UGT2A1: variants seen among roughly 807,000 people sequenced by gnomAD.
The protein encoded by UGT2A1 is UDP-glucuronosyltransferase 2A1.
UGT2A1 carries 61 observed loss-of-function variants against 45.4 expected under a neutral mutation model. The observed-to-expected ratio is 1.34, with a 90% CI of 1.09 to 1.66. The LOEUF is 1.66. Ranked by LOEUF, UGT2A1 falls within the 40% of genes most tolerant of loss-of-function variation. The pLI is 0.00. For synonymous variants in UGT2A1, 229 were observed against 196.2 expected, an observed-to-expected ratio of 1.17 and a Z score of -1.40; for missense variants, 649 against 574.3, an observed-to-expected ratio of 1.13 and a Z score of -1.33.
At chr4:69,631,133 T>C (rs1438302466) in intron 3 of UGT2A1, among the ~76,000 whole-genome samples, 1 of 152,126 alleles carries the variant, frequency 6.6e-6, no homozygotes. Context: ...TGCTTTATTT[T>C]TGACTTCCTA....
chr4:69,637,919 G>A (rs1721806157), intron 2 of UGT2A1, among the ~76,000 whole-genome samples: 1 of 148,680 alleles, frequency 6.7e-6, no homozygotes, highest in African/African-American at 2.6e-5. Flanking sequence ...AGGCAGGCAG[G>A]CAGGCAGGCA....
At chr4:69,629,656 A>C (rs73824181) in intron 3 of UGT2A1, among the ~76,000 whole-genome samples, 1 of 151,942 alleles carries the variant, frequency 6.6e-6, no homozygotes, top group Non-Finnish European at 1.5e-5. Flanking sequence ...ACCACATATC[A>C]TTTCTAGGAA....
At chr4:69,595,509 A>G (rs1170125637) in intron 4 of UGT2A1, among the ~76,000 whole-genome samples, 1 of 152,216 alleles carries the variant, frequency 6.6e-6, no homozygotes, top group Admixed American at 6.5e-5. Context: ...TTTTAAGTGA[A>G]GAAATAGAAC....
At chr4:69,604,338 A>G (rs1719473264) in intron 3 of UGT2A1, among the ~76,000 whole-genome samples, 1 of 136,304 alleles carries the variant, frequency 7.3e-6, no homozygotes, top group African/African-American at 3.0e-5. Context: ...GAGGAGAAGG[A>G]GAAATAAAAT....
intron 3 of UGT2A1, among the ~76,000 whole-genome samples, chr4:69,633,391 CT>C (rs1488900420): frequency 2.6e-5 from 4 of 152,108 alleles, no homozygotes; most frequent in African/African-American, 9.7e-5. Flanking sequence ...TTTGCACAAC[CT>C]TTTGGGAAAC....
intron 2 of UGT2A1, chr4:69,639,594 A>G (rs764808692): frequency 6.2e-7 from 1 of 1,608,458 alleles, no homozygotes; most frequent in South Asian, 1.1e-5. Flanking sequence ...AAAAACCAGC[A>G]TCTGGACAAA....
In UGT2A1 at chr4:69,647,493, G is replaced by C; in HGVS notation, c.152C>G (p.Thr51Ser). 1 of 1,613,068 alleles carries C rather than the reference G, an allele frequency of 6.2e-7. No individual in the cohort carries two copies. The highest frequency in any genetic ancestry group is 1.1e-5 in the South Asian group (1 of 91,014). ...DELIKKEHNV[T>S]VLVASGALFI... Reference sequence around the variant, plus strand: ...AAGTGCACCAGAGGCAACTAGGACAGTCACATTATGCTCCTTTTTAATGAG... The same window carrying C: ...AAGTGCACCAGAGGCAACTAGGACACTCACATTATGCTCCTTTTTAATGAG... Residue 51 changes from threonine to serine, a missense_variant, in exon 2 of 7, where the codon ACT becomes AGT. Coordinates refer to ENST00000286604, the MANE Select transcript of UGT2A1 (RefSeq NM_001252275.3).
At chr4:69,591,167 T>C (rs1165383132) in intron 6 of UGT2A1, among the ~76,000 whole-genome samples, 1 of 152,200 alleles carries the variant, frequency 6.6e-6, no homozygotes, top group African/African-American at 2.4e-5. Flanking sequence ...TATTTGAAGA[T>C]ATTTATTTGT....
At chr4:69,625,146 T>C (rs908608897) in intron 3 of UGT2A1, among the ~76,000 whole-genome samples, 6 of 146,362 alleles carry the variant, frequency 4.1e-5, no homozygotes, top group South Asian at 2.2e-4. Context: ...TTGCTTTCAA[T>C]GAGAAGTCTG....
At chr4:69,647,907 T>G (rs905056487) in intron 1 of UGT2A1, 1 of 288,136 alleles carries the variant, frequency 3.5e-6, no homozygotes, top group Non-Finnish European at 6.4e-6. Flanking sequence ...TGTCTAATCC[T>G]CCTTTTGAAC....
At position 69,645,842 on chromosome 4, in the gene UGT2A1, G is replaced by C. The variant is rs181444293; in HGVS notation, c.715+1088C>G. Among the ~76,000 whole-genome samples the C allele has an allele frequency of 2.6e-5, 4 of 151,854 alleles. No individual in the cohort carries two copies. The East Asian group carries it at 7.7e-4, about 29-fold the overall frequency. On this transcript the variant is annotated intron_variant, in intron 2 of 6. Coordinates refer to ENST00000286604, the MANE Select transcript of UGT2A1 (RefSeq NM_001252275.3). ...CTCCATGTCTCCCTACCTTACACTT[G>C]AACCTTCAGAAATACTAAATTATCA...
At chr4:69,653,046 T>C (rs776695085) in intron 1 of UGT2A1, 142 bp downstream of exon 1, 1 of 152,224 alleles carries the variant, frequency 6.6e-6, no homozygotes, top group Non-Finnish European at 1.5e-5. Flanking sequence ...GTAGAACTAA[T>C]AATGCTTTCA....
rs138860923 is a variant in UGT2A1 at position 69,647,391 on chromosome 4, C to T, written c.254G>A (p.Gly85Glu). 69 of 1,612,956 alleles carry T rather than the reference C, an allele frequency of 4.3e-5. No individual in the cohort carries two copies. In the South Asian group the frequency reaches 6.3e-4, roughly 15 times the overall value. Reference sequence around the variant, plus strand: ...TGTCAAAACGAAGTCCTTAATTACTCCTTCTATTCTTTCTTTGCCAAAGGG... The same window carrying T: ...TGTCAAAACGAAGTCCTTAATTACTTCTTCTATTCTTTCTTTGCCAAAGGG... ...KVPFGKERIE[G>E]VIKDFVLTWL... Residue 85 changes from glycine (G) to glutamate (E), a missense_variant, in exon 2 of 7, where the codon GGA becomes GAA. Gly to Glu is a moderately conservative substitution (Grantham distance 98). Transcript: ENST00000286604.
chr4:69,649,516 TATTG>T (rs1722425525), intron 1 of UGT2A1, among the ~76,000 whole-genome samples: 1 of 152,058 alleles, frequency 6.6e-6, no homozygotes, highest in African/African-American at 2.4e-5. Context: ...ATTCAGGTGC[TATTG>T]AGAGAGGAGA....
chr4:69,601,249 T>G (rs1719270757), intron 3 of UGT2A1, among the ~76,000 whole-genome samples: 1 of 152,160 alleles, frequency 6.6e-6, no homozygotes. Flanking sequence ...ATCCTCACTG[T>G]GACCACTACT....
At chr4:69,591,851 A>T (rs1038049076) in intron 6 of UGT2A1, among the ~76,000 whole-genome samples, 2 of 152,236 alleles carry the variant, frequency 1.3e-5, no homozygotes, top group Non-Finnish European at 2.9e-5. Flanking sequence ...CAACTTTGTA[A>T]TAGTCTAATT....
At chr4:69,637,838 CT>C (rs898992750) in intron 2 of UGT2A1, among the ~76,000 whole-genome samples, 1 of 150,008 alleles carries the variant, frequency 6.7e-6, no homozygotes, top group Non-Finnish European at 1.5e-5. Flanking sequence ...TCAACAAATA[CT>C]TTTTTTTACA....
At chr4:69,622,749 G>A (rs1720823276) in intron 3 of UGT2A1, among the ~76,000 whole-genome samples, 1 of 151,716 alleles carries the variant, frequency 6.6e-6, no homozygotes, top group African/African-American at 2.4e-5. Flanking sequence ...CTAGCAAAGA[G>A]AAGGAAATCT....
At chr4:69,639,216 G>A in intron 2 of UGT2A1, 2 of 1,613,612 alleles carry the variant, frequency 1.2e-6, no homozygotes, top group African/African-American at 2.7e-5. Context: ...CATCAACTTT[G>A]GGTTCTTTAG....
Sources: gnomAD v4.1 joint callset for allele counts (sites outside exome capture counted in the v4.1 genomes callset) on GRCh38, gnomAD v4.1.1 for gene constraint, MANE v1.5 for transcripts, NCBI Gene and HGNC (gene_info 2026-07-23, HGNC 2026-07-21) for gene names.